RARB: variants seen among roughly 807,000 people sequenced by gnomAD.
RARB encodes HBV-activated protein.
Under a neutral mutation model 51.9 loss-of-function variants are expected in RARB, and 17 were observed. That is an observed-to-expected ratio of 0.33 (90% CI 0.22 to 0.49). The LOEUF is 0.49. RARB is among the 20% of genes least tolerant of loss of function. The pLI, the probability that RARB is intolerant of heterozygous loss-of-function variation, is 0.99. For missense variants in RARB, 369 were observed against 550.8 expected, an observed-to-expected ratio of 0.67 and a Z score of 3.30; for synonymous variants, 215 against 195.4, an observed-to-expected ratio of 1.10 and a Z score of -0.84.
At chr3:24,955,510 C>A (rs1294287483) in intron 2 of RARB, among the ~76,000 whole-genome samples, 1 of 152,160 alleles carries the variant, frequency 6.6e-6, no homozygotes, top group Admixed American at 6.5e-5. Flanking sequence ...TTTCCTCCCT[C>A]CTGTCCATAT....
chr3:25,319,444 C>T (rs1704508914), intron 5 of RARB, among the ~76,000 whole-genome samples: 1 of 152,156 alleles, frequency 6.6e-6, no homozygotes, highest in Non-Finnish European at 1.5e-5. Context: ...CTGACAGCTG[C>T]ATTATGGGTA....
chr3:25,322,801 G>C (rs76081546), intron 5 of RARB, among the ~76,000 whole-genome samples: 3 of 152,088 alleles, frequency 2.0e-5, no homozygotes, highest in African/African-American at 7.2e-5. Flanking sequence ...CATAAGCACA[G>C]ATACCCAAAA....
At chr3:25,551,471 T>C (rs1309754544) in intron 3 of RARB, among the ~76,000 whole-genome samples, 3 of 152,150 alleles carry the variant, frequency 2.0e-5, no homozygotes, top group African/African-American at 7.2e-5. Flanking sequence ...ATTTGACTCA[T>C]GGGCCCTCAG....
chr3:25,421,258 G>T (rs894067735), intron 5 of RARB, among the ~76,000 whole-genome samples: 1 of 152,182 alleles, frequency 6.6e-6, no homozygotes, highest in South Asian at 2.1e-4. Context: ...CCCTCCACCT[G>T]CAGCCTGAAA....
chr3:24,892,275 A>G (rs1250431940), intron 2 of RARB, among the ~76,000 whole-genome samples: 1 of 151,538 alleles, frequency 6.6e-6, no homozygotes, highest in Non-Finnish European at 1.5e-5. Context: ...GACCTGGTAC[A>G]CTTTTAGGGA....
chr3:24,993,909 T>C (rs757421967), intron 2 of RARB, among the ~76,000 whole-genome samples: 2 of 152,156 alleles, frequency 1.3e-5, no homozygotes, highest in Admixed American at 1.3e-4. Context: ...TAACCTGTTA[T>C]TGGACACTAG....
chr3:25,024,867 C>A (rs1263261363), intron 2 of RARB: 2 of 146,190 alleles, frequency 1.4e-5, no homozygotes, highest in Non-Finnish European at 3.0e-5. Flanking sequence ...GCAGGAGGAT[C>A]GCTTGAACCT....
At chr3:25,135,351 C>A (rs191733903) in intron 4 of RARB, among the ~76,000 whole-genome samples, 2 of 151,770 alleles carry the variant, frequency 1.3e-5, no homozygotes. Flanking sequence ...AATTCTAAAG[C>A]GTCCTTCATA....
At chr3:25,441,677 A>C (rs996588859) in intron 1 of RARB, among the ~76,000 whole-genome samples, 1 of 152,286 alleles carries the variant, frequency 6.6e-6, no homozygotes, top group East Asian at 1.9e-4. Context: ...GAAAAGTTAC[A>C]ACAGCTTTAC....
At chr3:24,839,247 A>C (rs1264669526) in intron 1 of RARB, among the ~76,000 whole-genome samples, 1 of 152,134 alleles carries the variant, frequency 6.6e-6, no homozygotes, top group Admixed American at 6.5e-5. Context: ...AAATATAAAC[A>C]AAAAATAAGG....
At chr3:24,879,798 C>A (rs372358523) in intron 2 of RARB, among the ~76,000 whole-genome samples, 3 of 152,164 alleles carry the variant, frequency 2.0e-5, no homozygotes, top group African/African-American at 7.2e-5. Flanking sequence ...TTTTGTCTTT[C>A]ACTTTTCACC....
intron 5 of RARB, among the ~76,000 whole-genome samples, chr3:25,318,347 G>C (rs1007230372): frequency 6.6e-6 from 1 of 152,074 alleles, no homozygotes; most frequent in African/African-American, 2.4e-5. Flanking sequence ...CCACCTTATT[G>C]TAATAGATTA....
intron 5 of RARB, among the ~76,000 whole-genome samples, chr3:25,227,484 A>AT (rs942443835): frequency 5.3e-5 from 8 of 151,844 alleles, no homozygotes; most frequent in African/African-American, 1.9e-4. Context: ...TTCCACAACT[A>AT]TTTTTTTTAT....
intron 5 of RARB, among the ~76,000 whole-genome samples, chr3:25,187,516 A>T (rs1048051306): frequency 6.6e-6 from 1 of 152,148 alleles, no homozygotes; most frequent in Admixed American, 6.6e-5. Flanking sequence ...ACAAAGATAA[A>T]ATATGAATAT....
At chr3:25,049,146 G>C (rs1264534261) in intron 2 of RARB, among the ~76,000 whole-genome samples, 1 of 152,180 alleles carries the variant, frequency 6.6e-6, no homozygotes, top group Admixed American at 6.5e-5. Flanking sequence ...GAGAAGTTTT[G>C]TGGATTAGGC....
intron 4 of RARB, among the ~76,000 whole-genome samples, chr3:25,167,872 C>T (rs1330092659): frequency 6.6e-6 from 1 of 152,086 alleles, no homozygotes; most frequent in African/African-American, 2.4e-5. Context: ...TTTTTTCTTT[C>T]CACCCTACCC....
chr3:25,453,985 C>A (rs1464739623), intron 1 of RARB, among the ~76,000 whole-genome samples: 1 of 152,158 alleles, frequency 6.6e-6, no homozygotes, highest in Non-Finnish European at 1.5e-5. Flanking sequence ...ATTCAGGATG[C>A]GATTCACAGA....
At chr3:25,082,300 G>A (rs1699023033) in intron 3 of RARB, among the ~76,000 whole-genome samples, 2 of 151,772 alleles carry the variant, frequency 1.3e-5, no homozygotes, top group Non-Finnish European at 2.9e-5. Flanking sequence ...TTTGCTATTT[G>A]TTTACATTTC....
In RARB at chr3:25,245,034, G is replaced by A. The variant is rs576194014; in HGVS notation, c.178+70459G>A. ...TTTAGAATAGTTAGCTCTTCTTGTTGCATTGATTCCTTTAGCATTGTGTAA... is the reference window on the plus strand; with the variant it reads ...TTTAGAATAGTTAGCTCTTCTTGTTACATTGATTCCTTTAGCATTGTGTAA... On this transcript the variant is annotated intron_variant, in intron 5 of 11. Transcript: ENST00000383772. Among the ~76,000 whole-genome samples, 41 of 152,256 alleles carry A rather than the reference G, an allele frequency of 2.7e-4. No individual in the cohort carries two copies. The South Asian group carries it at 8.5e-3, about 32-fold the overall frequency.
Sources: gnomAD v4.1 joint callset for allele counts (sites outside exome capture counted in the v4.1 genomes callset) on GRCh38, gnomAD v4.1.1 for gene constraint, MANE v1.5 for transcripts, NCBI Gene and HGNC (gene_info 2026-07-23, HGNC 2026-07-21) for gene names.